Variants in SLC30A8 observed in about 807,000 individuals in gnomAD.
SLC30A8 encodes the protein proton-coupled zinc antiporter SLC30A8.
Under a neutral mutation model 36.9 loss-of-function variants are expected in SLC30A8, and 27 were observed. The observed-to-expected ratio is 0.73, with a 90% CI of 0.54 to 1.01. The LOEUF (loss-of-function observed/expected upper bound fraction) is 1.01. Among genes scored for constraint, SLC30A8 ranks in the 50% least tolerant of loss-of-function variants. The probability of loss-of-function intolerance (pLI) is 0.00; values close to 1 mark genes in which losing one functional copy is unlikely to be tolerated. For missense variants in SLC30A8, 439 were observed against 452.0 expected, an observed-to-expected ratio of 0.97 and a Z score of 0.26; for synonymous variants, 164 against 172.4, an observed-to-expected ratio of 0.95 and a Z score of 0.38.
intron 2 of SLC30A8, among the ~76,000 whole-genome samples, chr8:117,075,483 C>T (rs540607087): frequency 6.6e-6 from 1 of 152,312 alleles, no homozygotes; most frequent in South Asian, 2.1e-4. Flanking sequence ...GCTTTGCAGT[C>T]TCAAGGACTC....
At chr8:117,143,649 C>T (rs191835452) in intron 1 of SLC30A8, among the ~76,000 whole-genome samples, 26 of 139,138 alleles carry the variant, frequency 1.9e-4, no homozygotes, top group Non-Finnish European at 3.4e-4. Flanking sequence ...ACTGTGTACT[C>T]TTGCCTCTCC....
chr8:117,003,038 G>A (rs572845679), intron 1 of SLC30A8, among the ~76,000 whole-genome samples: 3 of 152,158 alleles, frequency 2.0e-5, no homozygotes, highest in Non-Finnish European at 4.4e-5. Context: ...TATGAAAATG[G>A]CCTTATTTTC....
Position 117,135,212 on chromosome 8 carries a change from C to G in SLC30A8, c.-116C>G, listed in dbSNP as rs527882623. The G allele has an allele frequency of 1.7e-5, 10 of 592,440 alleles. No homozygotes were observed. Among genetic ancestry groups the G allele is most frequent in the Admixed American group, 6.0e-5 (2 of 33,234 alleles). 36.7% of individuals were successfully genotyped at this position (592,440 alleles called of 1,614,324 possible). A position where few individuals can be genotyped will look rare whatever the true frequency, so the allele number is the denominator to read the frequency against. ...AAGCTCATTATTTTAATTTCTGGAG[C>G]CTTTTAATTTTTTCTTTAGAAAGTG... On this transcript the variant is annotated 5_prime_UTR_variant, in exon 1 of 8. Transcript: ENST00000456015.
chr8:117,137,610 A>G lies in SLC30A8; in HGVS notation c.71+2212A>G, dbSNP rs116054979. 5.2e-3 allele frequency among the ~76,000 whole-genome samples: 787 copies of G among 152,080 alleles called. 9 individuals are homozygous for G. The highest frequency in any genetic ancestry group is 0.018 in the African/African-American group (744 of 41,530). On this transcript the variant is annotated intron_variant, in intron 1 of 7. Coordinates refer to ENST00000456015, the MANE Select transcript of SLC30A8 (RefSeq NM_173851.3). The stretch of plus-strand genomic sequence containing the variant: ...GAAGGTTTAAGATGGCTTCACTCAC[A>G]TGACTGAGATCTTTGTGTTGGCTTT...
intron 1 of SLC30A8, among the ~76,000 whole-genome samples, chr8:116,988,607 A>G (rs755665098): frequency 7.9e-5 from 12 of 152,102 alleles, no homozygotes; most frequent in Non-Finnish European, 1.8e-4. Flanking sequence ...TTTTTAGATG[A>G]TTTTCCTCTG....
chr8:117,010,969 C>T lies in SLC30A8; in HGVS notation c.-265-28250C>T, dbSNP rs561091582. 1.5e-4 allele frequency among the ~76,000 whole-genome samples: 23 copies of T among 152,294 alleles called. 1 individual carries two copies. The South Asian group carries it at 2.1e-3, about 14-fold the overall frequency. ...TTCCACCAGGCCCCACCTCCAGCAC[C>T]GGAGATTACAGTTTGACATGAGATT... On this transcript the variant is annotated intron_variant, in intron 1 of 10. Coordinates refer to the SLC30A8 transcript ENST00000427715.
At chr8:117,152,684 C>T (rs752476663) in intron 2 of SLC30A8, among the ~76,000 whole-genome samples, 5 of 152,156 alleles carry the variant, frequency 3.3e-5, no homozygotes, top group Non-Finnish European at 7.4e-5. Context: ...AGGTGTTCTC[C>T]AGATGTGCCT....
chr8:117,153,483 A>G (rs1385376362), intron 3 of SLC30A8, among the ~76,000 whole-genome samples: 1 of 152,218 alleles, frequency 6.6e-6, no homozygotes, highest in East Asian at 1.9e-4. Flanking sequence ...TAGAGATTGA[A>G]GAACTTCTTA....
At chr8:116,994,761 T>C (rs1011995021) in intron 1 of SLC30A8, among the ~76,000 whole-genome samples, 8 of 152,090 alleles carry the variant, frequency 5.3e-5, no homozygotes, top group Non-Finnish European at 1.0e-4. Flanking sequence ...GTATGTATAT[T>C]ATACCTCTCC....
intron 1 of SLC30A8, among the ~76,000 whole-genome samples, chr8:116,963,502 TC>T (rs1400172760): frequency 6.6e-6 from 1 of 152,254 alleles, no homozygotes; most frequent in Non-Finnish European, 1.5e-5. Context: ...TCTGAATTTT[TC>T]ATATAAATGG....
intron 1 of SLC30A8, among the ~76,000 whole-genome samples, chr8:116,956,908 G>A (rs530388913): frequency 2.1e-4 from 32 of 152,194 alleles, no homozygotes; most frequent in Middle Eastern, 3.4e-3. Context: ...AGGCCTTAAA[G>A]CATACCAAAA....
At chr8:116,990,369 G>C (rs542243603) in intron 1 of SLC30A8, among the ~76,000 whole-genome samples, 2 of 152,128 alleles carry the variant, frequency 1.3e-5, no homozygotes, top group African/African-American at 4.8e-5. Context: ...AGTGATCAAG[G>C]TTATCCTCCC....
At chr8:116,996,791 T>C (rs1001188561) in intron 1 of SLC30A8, among the ~76,000 whole-genome samples, 1 of 152,178 alleles carries the variant, frequency 6.6e-6, no homozygotes, top group African/African-American at 2.4e-5. Flanking sequence ...ATGTTTTGCA[T>C]GTATATATGG....
Position 117,094,643 on chromosome 8 carries a change from C to G in SLC30A8, c.-225-40637C>G, listed in dbSNP as rs896073770. On this transcript the variant is annotated intron_variant, in intron 2 of 10. Coordinates refer to the SLC30A8 transcript ENST00000427715. ...CCATGGGTGGGCCTGGAAAAAGCAC[C>G]GCAAGTTCCCACTCCTGTTTGTGGG... Among the ~76,000 whole-genome samples, 3 of 152,124 alleles carry G rather than the reference C, an allele frequency of 2.0e-5. No individual in the cohort carries two copies. The East Asian group carries it at 5.8e-4, about 29-fold the overall frequency.
chr8:117,064,628 G>C (rs567925836), intron 2 of SLC30A8, among the ~76,000 whole-genome samples: 107 of 152,350 alleles, frequency 7.0e-4, no homozygotes, highest in African/African-American at 2.5e-3. Context: ...TTTATCATTT[G>C]ATGGCAGGGG....
At chr8:116,983,090 C>T (rs1384545849) in intron 1 of SLC30A8, among the ~76,000 whole-genome samples, 1 of 152,074 alleles carries the variant, frequency 6.6e-6, no homozygotes, top group Admixed American at 6.6e-5. Context: ...GTCATTGTTA[C>T]ATTGTTCTGA....
intron 1 of SLC30A8, among the ~76,000 whole-genome samples, chr8:116,996,483 AT>A (rs1220139264): frequency 5.3e-5 from 8 of 152,150 alleles, no homozygotes; most frequent in Admixed American, 4.6e-4. Context: ...TCACATACTT[AT>A]TTTTTTGTGG....
intron 1 of SLC30A8, among the ~76,000 whole-genome samples, chr8:117,034,978 A>G (rs775460594): frequency 1.3e-5 from 2 of 152,078 alleles, no homozygotes; most frequent in African/African-American, 2.4e-5. Flanking sequence ...CATGGGGGAA[A>G]CCACCCCCAT....
At chr8:117,043,899 G>T (rs573980617) in intron 2 of SLC30A8, among the ~76,000 whole-genome samples, 33 of 152,310 alleles carry the variant, frequency 2.2e-4, no homozygotes, top group Admixed American at 1.9e-3. Flanking sequence ...TATTCAATAA[G>T]TGTTGAGGAG....
Sources: allele counts gnomAD v4.1 joint callset (sites outside exome capture counted in the v4.1 genomes callset), GRCh38; gene constraint gnomAD v4.1.1; transcripts MANE v1.5; gene names NCBI Gene and HGNC (gene_info 2026-07-23, HGNC 2026-07-21).